UGGT2: variants seen among roughly 807,000 people sequenced by gnomAD.
UGGT2 encodes the protein UDP-glucose:glycoprotein glucosyltransferase 2.
A neutral mutation model predicts 192.1 loss-of-function variants in UGGT2; 180 were observed. The observed-to-expected ratio is 0.94, with a 90% confidence interval of 0.83 to 1.06. The LOEUF is 1.06. Ranked by LOEUF, UGGT2 falls within the 50% of genes least tolerant of loss-of-function variation. The pLI, the probability that UGGT2 is intolerant of heterozygous loss-of-function variation, is 0.00. For synonymous variants in UGGT2, 580 were observed against 591.0 expected, an observed-to-expected ratio of 0.98 and a Z score of 0.27; for missense variants, 1,849 against 1,795.7, an observed-to-expected ratio of 1.03 and a Z score of -0.54.
intron 32 of UGGT2, among the ~76,000 whole-genome samples, chr13:95,860,250 C>T (rs1594170059): frequency 6.6e-6 from 1 of 150,712 alleles, no homozygotes; most frequent in East Asian, 1.9e-4. Context: ...TCATTCCCTT[C>T]CTTTTTATAA....
intron 1 of UGGT2, among the ~76,000 whole-genome samples, chr13:96,046,830 A>C (rs539220927): frequency 8.9e-4 from 136 of 152,182 alleles, no homozygotes; most frequent in Non-Finnish European, 1.0e-3. Flanking sequence ...TATCCTGCGC[A>C]TGGCTTGAAG....
chr13:95,809,591 G>T, intron 38 of UGGT2: 2 of 254,714 alleles, frequency 7.9e-6, no homozygotes. Flanking sequence ...CTTCGGTGGA[G>T]CTGACCTTCC....
intron 10 of UGGT2, among the ~76,000 whole-genome samples, chr13:95,973,214 T>C (rs1180187018): frequency 6.6e-6 from 1 of 151,858 alleles, no homozygotes; most frequent in Non-Finnish European, 1.5e-5. Flanking sequence ...AAATAAAAAT[T>C]AAGCTTTTAT....
At chr13:95,831,291 A>G (rs937072484) in intron 38 of UGGT2, among the ~76,000 whole-genome samples, 10 of 152,146 alleles carry the variant, frequency 6.6e-5, no homozygotes, top group South Asian at 2.1e-4. Context: ...ATAAAAAAAA[A>G]TCTCTTTTGT....
At position 96,026,704 on chromosome 13, in the gene UGGT2, G is replaced by A. The variant is rs1468090154; in HGVS notation, c.242-2945C>T. On this transcript the variant is annotated intron_variant, in intron 2 of 38. Coordinates refer to ENST00000376747, the MANE Select transcript of UGGT2 (RefSeq NM_020121.4). The stretch of plus-strand genomic sequence containing the variant: ...TTTTGAGACGGAGTCTCGCTCTGTC[G>A]CCCAGGTCGGACTGCGGACTGCAGT... Among the ~76,000 whole-genome samples, 10 of 122,680 alleles carry A rather than the reference G, an allele frequency of 8.2e-5. No individual in the cohort carries two copies. The South Asian group carries it at 1.0e-3, about 12-fold the overall frequency. The allele number at this position is 122,680 out of a possible 152,430, so 80.5% of individuals were successfully genotyped here. A position where few individuals can be genotyped will look rare whatever the true frequency, so the allele number is the denominator to read the frequency against.
chr13:95,830,667 T>C (rs1450298613), intron 38 of UGGT2, among the ~76,000 whole-genome samples: 1 of 152,148 alleles, frequency 6.6e-6, no homozygotes, highest in Non-Finnish European at 1.5e-5. Flanking sequence ...AGGAACACTT[T>C]TACAGTATGG....
chr13:95,936,729 G>T lies in UGGT2; in HGVS notation c.1977+195C>A, dbSNP rs920092840. On this transcript the variant is annotated intron_variant, in intron 17 of 38. Coordinates refer to ENST00000376747, the MANE Select transcript of UGGT2 (RefSeq NM_020121.4). The stretch of plus-strand genomic sequence containing the variant: ...TCTGCCTGGGCATGGAGTATAAAGG[G>T]CCCCACTGCACCACAGTCTCTGCAC... Among the ~76,000 whole-genome samples, 7 of 152,288 alleles carry T rather than the reference G, an allele frequency of 4.6e-5. No homozygotes were observed. The South Asian group carries it at 8.3e-4, about 18-fold the overall frequency.
chr13:95,926,989 T>A (rs755252898), intron 19 of UGGT2, 39 bp downstream of exon 19: 60 of 1,528,376 alleles, frequency 3.9e-5, no homozygotes, highest in Non-Finnish European at 4.2e-5. Context: ...CAAGTTTCTA[T>A]CACTTTAAGA....
chr13:95,816,676 C>T (rs1455218140), intron 38 of UGGT2, among the ~76,000 whole-genome samples: 1 of 152,190 alleles, frequency 6.6e-6, no homozygotes, highest in Non-Finnish European at 1.5e-5. Flanking sequence ...AGGAAAGGCA[C>T]AACTGTTACA....
intron 12 of UGGT2, among the ~76,000 whole-genome samples, chr13:95,968,981 TA>T (rs1594467652): frequency 6.6e-6 from 1 of 152,184 alleles, no homozygotes; most frequent in East Asian, 1.9e-4. Flanking sequence ...TTCTGATTGA[TA>T]AAAGAGTGTT....
intron 14 of UGGT2, 124 bp from the exon 15 acceptor site, chr13:95,947,296 G>A: frequency 1.9e-6 from 2 of 1,063,030 alleles, no homozygotes; most frequent in Non-Finnish European, 2.6e-6. Flanking sequence ...ACAGAGAAAA[G>A]GAGAATTTTA....
At chr13:95,917,190 C>T (rs2048706566) in intron 20 of UGGT2, among the ~76,000 whole-genome samples, 1 of 152,158 alleles carries the variant, frequency 6.6e-6, no homozygotes. Flanking sequence ...ATCAGACTAA[C>T]AGCAGACCTC....
chr13:95,952,553 A>G (rs1392695052), intron 12 of UGGT2, among the ~76,000 whole-genome samples: 1 of 152,082 alleles, frequency 6.6e-6, no homozygotes, highest in Non-Finnish European at 1.5e-5. Context: ...GTATTTTTTT[A>G]TTGTTTTTCT....
rs751962181 is a variant in UGGT2, at chr13:95,877,814, G to A, written c.3271C>T (p.Leu1091=). 4.3e-6 allele frequency: 7 copies of A among 1,613,814 alleles called. No individual in the cohort carries two copies. Among genetic ancestry groups the A allele is most frequent in the South Asian group, 1.1e-5 (1 of 91,070 alleles). Residue 1091 remains leucine (L), a synonymous_variant, in exon 28 of 39, where the codon CTA becomes TTA. Transcript: ENST00000376747. The part of the protein sequence containing the change: ...VTAEYELEYL[L]LEGQCFDKVT... ...TTATCAAAGCATTGTCCTTCCAGTAGTAAGTATTCTAGTTCATATTCTGCT... is the reference window on the plus strand; with the variant it reads ...TTATCAAAGCATTGTCCTTCCAGTAATAAGTATTCTAGTTCATATTCTGCT...
Position 95,949,376 on chromosome 13 carries a change from GA to G in UGGT2, c.1413del (p.Pro472LeufsTer7). ...TSCQKLLKPVFPGSVPSIRRN... is the reference protein window; with the variant it reads ...TSCQKLLKPVXPGSVPSIRRN... Reference sequence around the variant, plus strand: ...CGCCTTATGGAAGGTACACTTCCAGGAAATACTGGCTTCAGAAGTTTCTGGC... The same window carrying G: ...CGCCTTATGGAAGGTACACTTCCAGGAATACTGGCTTCAGAAGTTTCTGGC... On this transcript the variant is annotated frameshift_variant, in exon 13 of 39. Coordinates refer to ENST00000376747, the MANE Select transcript of UGGT2 (RefSeq NM_020121.4). LOFTEE classifies it high-confidence loss of function. 1 of 1,581,650 alleles carries G rather than the reference GA, an allele frequency of 6.3e-7. No individual in the cohort carries two copies. The highest frequency in any genetic ancestry group is 8.6e-7 in the Non-Finnish European group (1 of 1,162,762).
At chr13:96,045,333 C>A (rs549533696) in intron 1 of UGGT2, among the ~76,000 whole-genome samples, 1 of 152,068 alleles carries the variant, frequency 6.6e-6, no homozygotes, top group Admixed American at 6.6e-5. Context: ...AAGGGACATA[C>A]CTCAATGTAA....
At chr13:95,829,278 C>A (rs1376662070) in intron 38 of UGGT2, among the ~76,000 whole-genome samples, 1 of 152,186 alleles carries the variant, frequency 6.6e-6, no homozygotes, top group Non-Finnish European at 1.5e-5. Context: ...GATGCCCTCT[C>A]TCGCCACTCC....
chr13:96,017,774 T>C (rs1408193694), intron 4 of UGGT2, among the ~76,000 whole-genome samples: 3 of 152,220 alleles, frequency 2.0e-5, no homozygotes, highest in Admixed American at 2.0e-4. Flanking sequence ...CTACTTTGCA[T>C]TTTTCTAAAG....
chr13:95,930,068 G>A (rs997463683), intron 17 of UGGT2, among the ~76,000 whole-genome samples: 3 of 152,088 alleles, frequency 2.0e-5, no homozygotes, highest in East Asian at 1.9e-4. Context: ...CTTGTTGGCC[G>A]CCTGCGTGTC....
Sources: allele counts gnomAD v4.1 joint callset (sites outside exome capture counted in the v4.1 genomes callset), GRCh38; gene constraint gnomAD v4.1.1; transcripts MANE v1.5; gene names NCBI Gene and HGNC (gene_info 2026-07-23, HGNC 2026-07-21).